Variants in UACA observed in about 807,000 individuals in gnomAD.
UACA encodes the protein uveal autoantigen with coiled-coil domains and ankyrin repeats.
UACA carries 112 observed loss-of-function variants against 160.5 expected under a neutral mutation model. That is an observed-to-expected ratio of 0.70 (90% CI 0.60 to 0.82). The LOEUF is 0.82. Ranked by LOEUF, UACA falls within the 40% of genes least tolerant of loss-of-function variation. The pLI, the probability that UACA is intolerant of heterozygous loss-of-function variation, is 0.00. For missense variants in UACA, 1,574 were observed against 1,614.6 expected, an observed-to-expected ratio of 0.97 and a Z score of 0.43; for synonymous variants, 557 against 568.4, an observed-to-expected ratio of 0.98 and a Z score of 0.29.
chr15:70,745,871 C>T (rs1457934658), intron 1 of UACA, among the ~76,000 whole-genome samples: 1 of 152,132 alleles, frequency 6.6e-6, no homozygotes, highest in Non-Finnish European at 1.5e-5. Flanking sequence ...AAAGGATTCC[C>T]TACTTAATAA....
chr15:70,702,065 C>T (rs1898384921), intron 1 of UACA: 4 of 1,371,106 alleles, frequency 2.9e-6, no homozygotes, highest in South Asian at 3.8e-5. Flanking sequence ...GGATCTCTAA[C>T]GATATTTTCT....
At chr15:70,727,749 G>T (rs565862620) in intron 1 of UACA, among the ~76,000 whole-genome samples, 2 of 152,164 alleles carry the variant, frequency 1.3e-5, no homozygotes, top group South Asian at 4.1e-4. Context: ...ATCTTAAACT[G>T]TTCTAGAACT....
chr15:70,667,671 G>C lies in UACA; in HGVS notation c.3013C>G (p.Leu1005Val). 1 of 1,613,390 alleles carries C rather than the reference G, an allele frequency of 6.2e-7. No homozygotes were observed. Among genetic ancestry groups the C allele is most frequent in the Non-Finnish European group, 8.5e-7 (1 of 1,179,974 alleles). The stretch of plus-strand genomic sequence containing the variant: ...GTCTGCTCTGATAACTGGTCTTTTA[G>C]TTCTTTCTCTGTTGCTTTAAATTTT... ...ERKFKATEKE[L>V]KDQLSEQTQK... is the part of the protein sequence containing the mutation. The change falls in exon 16 of 19, where the codon CTA becomes GTA. Residue 1005 changes from leucine to valine, a missense_variant. Physicochemically the swap from Leu to Val is conservative, Grantham distance 32. Coordinates refer to ENST00000322954, the MANE Select transcript of UACA (RefSeq NM_018003.4).
chr15:70,681,928 A>G (rs1301959803), intron 9 of UACA: 3 of 152,230 alleles, frequency 2.0e-5, no homozygotes, highest in Non-Finnish European at 4.4e-5. Flanking sequence ...AGGTACAAAA[A>G]TGACACAGGA....
intron 1 of UACA, among the ~76,000 whole-genome samples, chr15:70,757,813 C>T (rs2030518742): frequency 6.6e-6 from 1 of 152,168 alleles, no homozygotes; most frequent in African/African-American, 2.4e-5. Flanking sequence ...AACTGAGAGC[C>T]TCTTGGAGTT....
chr15:70,719,155 A>C (rs1898917081), intron 1 of UACA, among the ~76,000 whole-genome samples: 1 of 151,806 alleles, frequency 6.6e-6, no homozygotes, highest in African/African-American at 2.4e-5. Context: ...AGAGAAGAGA[A>C]GAGGCTCAGA....
intron 1 of UACA, among the ~76,000 whole-genome samples, chr15:70,752,565 T>C (rs2030152731): frequency 6.6e-6 from 1 of 151,690 alleles, no homozygotes; most frequent in Non-Finnish European, 1.5e-5. Context: ...TCTCTAGAGC[T>C]CTCTTGGAAT....
intron 15 of UACA, among the ~76,000 whole-genome samples, chr15:70,670,150 G>A (rs1043196209): frequency 1.8e-4 from 28 of 152,132 alleles, no homozygotes; most frequent in African/African-American, 6.3e-4. Context: ...TAAGATCTCC[G>A]GAGCTGGGTG....
At chr15:70,662,483 A>C (rs907061974) in intron 17 of UACA, among the ~76,000 whole-genome samples, 23 of 152,178 alleles carry the variant, frequency 1.5e-4, no homozygotes, top group Middle Eastern at 3.2e-3. Context: ...GCTACCAATG[A>C]CTTTCTTCAC....
At chr15:70,753,857 G>A (rs1454778967) in intron 1 of UACA, among the ~76,000 whole-genome samples, 2 of 152,182 alleles carry the variant, frequency 1.3e-5, no homozygotes, top group South Asian at 2.1e-4. Flanking sequence ...CCAGGCTGGA[G>A]TGCAGTGGCG....
chr15:70,700,236 AC>A lies in UACA; in HGVS notation c.79-577del, dbSNP rs66634505. Among the ~76,000 whole-genome samples the A allele has an allele frequency of 1.1e-3, 160 of 141,086 alleles. 1 individual carries two copies. Among genetic ancestry groups the A allele is most frequent in the Non-Finnish European group, 1.6e-3 (102 of 65,200 alleles). 92.6% of individuals were successfully genotyped at this position (141,086 alleles called of 152,430 possible). Reference sequence around the variant, plus strand: ...AATTCTACATACATTTTAAGAAACTACCCCCCCCCAACACAGACATTTATTT... The same window carrying A: ...AATTCTACATACATTTTAAGAAACTACCCCCCCCAACACAGACATTTATTT... On this transcript the variant is annotated intron_variant, in intron 1 of 18. Transcript: ENST00000322954.
At chr15:70,772,908 G>T in the UACA span, among the ~76,000 whole-genome samples, 1 of 152,218 alleles carries the variant, frequency 6.6e-6, no homozygotes, top group East Asian at 1.9e-4. Context: ...GGCCAACATG[G>T]TGAAACCCCG....
chr15:70,691,473 AT>A (rs1897933176), intron 3 of UACA, 110 bp from the exon 4 acceptor site: 1 of 700,760 alleles, frequency 1.4e-6, no homozygotes, highest in Non-Finnish European at 2.4e-6. Context: ...AACATACTTA[AT>A]CTGTAAGTAT....
chr15:70,685,479 T>C (rs11854339), intron 7 of UACA, among the ~76,000 whole-genome samples: 25 of 152,196 alleles, frequency 1.6e-4, no homozygotes, highest in Non-Finnish European at 3.4e-4. Context: ...TCCCCTGTAG[T>C]TGCTGATAAG....
At chr15:70,693,967 AT>A (rs1295153293) in intron 3 of UACA, among the ~76,000 whole-genome samples, 1 of 152,152 alleles carries the variant, frequency 6.6e-6, no homozygotes, top group African/African-American at 2.4e-5. Flanking sequence ...TTAAGTAAAG[AT>A]TTACCTCACT....
At chr15:70,663,100 T>A (rs1000169895) in intron 17 of UACA, among the ~76,000 whole-genome samples, 14 of 152,198 alleles carry the variant, frequency 9.2e-5, no homozygotes, top group African/African-American at 3.1e-4. Context: ...AGAACATTTT[T>A]GCAATCCACT....
At position 70,723,093 on chromosome 15, in the gene UACA, G is replaced by T. The variant is rs79931476; in HGVS notation, c.79-23433C>A. On this transcript the variant is annotated intron_variant, in intron 1 of 18. Transcript: ENST00000322954. ...ATCAAGTTACTTAGTCCCCCTGAGC[G>T]TCAGTTTCCTCATTTTAAAAATAAT... is the stretch of plus-strand genomic sequence containing the variant. Among the ~76,000 whole-genome samples, 171 of 152,264 alleles carry T rather than the reference G, an allele frequency of 1.1e-3. 6 individuals carry two copies. The East Asian group carries it at 0.03, about 26-fold the overall frequency.
intron 1 of UACA, among the ~76,000 whole-genome samples, chr15:70,715,839 T>C (rs1898805424): frequency 6.6e-6 from 1 of 152,216 alleles, no homozygotes; most frequent in Non-Finnish European, 1.5e-5. Flanking sequence ...TATTTCAAAA[T>C]TGTTTAGAAA....
At position 70,657,329 on chromosome 15, in the gene UACA, G is replaced by A. The variant is rs536784287; in HGVS notation, c.4180-202C>T. 1.1e-4 allele frequency among the ~76,000 whole-genome samples: 17 copies of A among 152,272 alleles called. No homozygotes were observed. The East Asian group carries it at 3.1e-3, about 28-fold the overall frequency. On this transcript the variant is annotated intron_variant, in intron 18 of 18. Coordinates refer to ENST00000322954, the MANE Select transcript of UACA (RefSeq NM_018003.4). ...TAAGATCAATTAATAAGGAGTGCAC[G>A]GCCGGGCGTGGTGGCTCACGCCTGC...
Sources: gnomAD v4.1 joint callset for allele counts (sites outside exome capture counted in the v4.1 genomes callset) on GRCh38, gnomAD v4.1.1 for gene constraint, MANE v1.5 for transcripts, NCBI Gene and HGNC (gene_info 2026-07-23, HGNC 2026-07-21) for gene names.